Variants in NDST4 observed in about 807,000 individuals in gnomAD.
NDST4 encodes N-heparan sulfate sulfotransferase 4.
In NDST4, 63 loss-of-function variants were observed where a neutral mutation model predicts 100.8. The observed-to-expected ratio is 0.62, with a 90% CI of 0.51 to 0.77. NDST4 has a LOEUF of 0.77. Ranked by LOEUF, NDST4 falls within the 30% of genes least tolerant of loss-of-function variation. The pLI, the probability that NDST4 is intolerant of heterozygous loss-of-function variation, is 0.00. For missense variants in NDST4, 943 were observed against 1,018.4 expected (o/e 0.93, Z 1.01); for synonymous variants, 377 against 361.8 (o/e 1.04, Z -0.48).
At chr4:114,880,621 G>A (rs147935733) in intron 6 of NDST4, among the ~76,000 whole-genome samples, 1 of 152,212 alleles carries the variant, frequency 6.6e-6, no homozygotes, top group Non-Finnish European at 1.5e-5. Context: ...TCAACCAATT[G>A]AGAAACATTT....
chr4:114,994,317 C>A (rs1443946159), intron 2 of NDST4, among the ~76,000 whole-genome samples: 1 of 151,964 alleles, frequency 6.6e-6, no homozygotes, highest in Non-Finnish European at 1.5e-5. Flanking sequence ...TAAACTTTCT[C>A]CCAGCCACTT....
At chr4:115,101,069 C>T (rs1485974180) in intron 1 of NDST4, among the ~76,000 whole-genome samples, 6 of 152,000 alleles carry the variant, frequency 3.9e-5, no homozygotes, top group African/African-American at 1.4e-4. Flanking sequence ...AGACTTCAGG[C>T]TTTCACAGTC....
intron 2 of NDST4, among the ~76,000 whole-genome samples, chr4:115,039,487 T>C (rs1728303429): frequency 6.6e-6 from 1 of 151,460 alleles, no homozygotes; most frequent in Admixed American, 6.6e-5. Context: ...GAAGTGAAAA[T>C]AGGACAAATA....
intron 7 of NDST4, among the ~76,000 whole-genome samples, chr4:114,853,724 T>C (rs187665857): frequency 1.5e-4 from 23 of 152,324 alleles, no homozygotes; most frequent in Admixed American, 1.5e-3. Context: ...TTTATATTTA[T>C]TATCCCAATA....
intron 6 of NDST4, among the ~76,000 whole-genome samples, chr4:114,885,174 A>T (rs1455549952): frequency 6.6e-6 from 1 of 152,156 alleles, no homozygotes; most frequent in African/African-American, 2.4e-5. Flanking sequence ...TTTTAAATAC[A>T]TGAATAACAT....
intron 6 of NDST4, among the ~76,000 whole-genome samples, chr4:114,884,892 C>A (rs1424694657): frequency 6.6e-6 from 1 of 152,080 alleles, no homozygotes; most frequent in African/African-American, 2.4e-5. Flanking sequence ...AACCAGGCAG[C>A]TAAACTGAAT....
At chr4:115,107,477 C>A (rs1371725558) in intron 1 of NDST4, among the ~76,000 whole-genome samples, 2 of 152,082 alleles carry the variant, frequency 1.3e-5, no homozygotes, top group African/African-American at 2.4e-5. Context: ...TACTCCTCAT[C>A]ACATTTTTCT....
intron 2 of NDST4, among the ~76,000 whole-genome samples, chr4:115,030,392 A>G (rs1728089194): frequency 6.6e-6 from 1 of 152,116 alleles, no homozygotes; most frequent in Non-Finnish European, 1.5e-5. Context: ...CTATTGTCTT[A>G]CTCAGAAGAA....
At chr4:114,847,303 G>C (rs1018360426) in intron 9 of NDST4, among the ~76,000 whole-genome samples, 4 of 135,000 alleles carry the variant, frequency 3.0e-5, no homozygotes, top group African/African-American at 6.4e-5. Flanking sequence ...GTGAACCCGG[G>C]AGGCGGAGCT....
rs150408986 is a variant in NDST4 at position 115,028,744 on chromosome 4, C to T, written c.978+47315G>A. ...AATAGGAATTAGTAGGTATTTGGAG[C>T]ACTTAGCAAGAACACTTTTATTATA... On this transcript the variant is annotated intron_variant, in intron 2 of 13. Coordinates refer to ENST00000264363, the MANE Select transcript of NDST4 (RefSeq NM_022569.3). Among the ~76,000 whole-genome samples the T allele has an allele frequency of 4.2e-3, 641 of 152,174 alleles. 4 individuals are homozygous for T. Among genetic ancestry groups the T allele is most frequent in the African/African-American group, 0.015 (607 of 41,534 alleles).
At chr4:114,976,110 A>C (rs1016505228) in intron 3 of NDST4, among the ~76,000 whole-genome samples, 5 of 152,126 alleles carry the variant, frequency 3.3e-5, no homozygotes, top group Non-Finnish European at 5.9e-5. Flanking sequence ...TGTTATTTCA[A>C]TATTCTAACA....
chr4:115,055,716 G>A (rs1049453367), intron 2 of NDST4, among the ~76,000 whole-genome samples: 14 of 152,024 alleles, frequency 9.2e-5, no homozygotes, highest in African/African-American at 2.9e-4. Flanking sequence ...AGTAATACTT[G>A]ACTCTGTAGG....
In NDST4 at chr4:115,076,938, G is replaced by A; in HGVS notation, c.99C>T (p.Leu33=). 6.2e-7 allele frequency: 1 copy of A among 1,613,638 alleles called. No individual in the cohort carries two copies. Among genetic ancestry groups the A allele is most frequent in the Non-Finnish European group, 8.5e-7 (1 of 1,179,784 alleles). Residue 33 remains leucine, a synonymous_variant, in exon 2 of 14, where the codon CTC becomes CTT. Coordinates refer to ENST00000264363, the MANE Select transcript of NDST4 (RefSeq NM_022569.3). ...LVSIVISAYF[L]YSGYKQEMTL... is the part of the protein sequence containing the mutation. ...TCATTTCCTGTTTGTAGCCAGAGTA[G>A]AGAAAATAGGCAGAAATGACAATGC...
At chr4:114,854,469 T>A (rs1377166798) in intron 7 of NDST4, among the ~76,000 whole-genome samples, 2 of 152,104 alleles carry the variant, frequency 1.3e-5, no homozygotes, top group East Asian at 1.9e-4. Context: ...ATATACTGAT[T>A]TCCTTTCTTT....
rs1726660549 is a variant in NDST4 at position 114,977,278 on chromosome 4, A to C, written c.979-4T>G. 5 of 1,576,042 alleles carry C rather than the reference A, an allele frequency of 3.2e-6. No individual in the cohort carries two copies. The highest frequency in any genetic ancestry group is 2.7e-5 in the African/African-American group (2 of 73,454). ...AATTTTGAGTCTCTAGTAATGCCTG[A>C]AATAAATAAGAAATTAACATGATTT... is the stretch of plus-strand genomic sequence containing the variant. On this transcript the variant is annotated splice_polypyrimidine_tract_variant and splice_region_variant and intron_variant, in intron 2 of 13. Transcript: ENST00000264363.
chr4:114,880,532 T>C (rs1460904114), intron 6 of NDST4, among the ~76,000 whole-genome samples: 1 of 152,168 alleles, frequency 6.6e-6, no homozygotes, highest in Admixed American at 6.6e-5. Context: ...GTAATCAGTG[T>C]AAGCTTCACT....
At chr4:114,893,347 T>C (rs953926680) in intron 6 of NDST4, among the ~76,000 whole-genome samples, 3 of 152,160 alleles carry the variant, frequency 2.0e-5, no homozygotes, top group African/African-American at 7.2e-5. Context: ...TTGAACTAAT[T>C]TACATTCCCA....
chr4:114,867,784 T>G (rs1193136030), intron 7 of NDST4, among the ~76,000 whole-genome samples: 1 of 150,000 alleles, frequency 6.7e-6, no homozygotes, highest in Non-Finnish European at 1.5e-5. Flanking sequence ...ATTTTAAGAG[T>G]CTTACACACT....
intron 6 of NDST4, among the ~76,000 whole-genome samples, chr4:114,910,146 C>T (rs1300465359): frequency 6.6e-6 from 1 of 152,116 alleles, no homozygotes; most frequent in Non-Finnish European, 1.5e-5. Context: ...AGGTTGGATT[C>T]TGTCTCAGGA....
Sources: gnomAD v4.1 joint callset for allele counts (sites outside exome capture counted in the v4.1 genomes callset) on GRCh38, gnomAD v4.1.1 for gene constraint, MANE v1.5 for transcripts, NCBI Gene and HGNC (gene_info 2026-07-23, HGNC 2026-07-21) for gene names.